CHCT1: variants seen among roughly 807,000 people sequenced by gnomAD.
CHCT1 encodes the protein CHD1 helical C-terminal domain containing protein 1.
the CHCT1 span, chr17:60,422,681 C>T: frequency 6.6e-7 from 1 of 1,514,974 alleles, no homozygotes; most frequent in Non-Finnish European, 8.9e-7. Flanking sequence ...AAGGAGGGTC[C>T]CGGAGGGGCT....
At chr17:60,423,279 C>A in the CHCT1 span, among the ~76,000 whole-genome samples, 1 of 151,788 alleles carries the variant, frequency 6.6e-6, no homozygotes, top group Non-Finnish European at 1.5e-5. Flanking sequence ...GCAACCTCTG[C>A]CCCCTGGGTT....
the CHCT1 span, chr17:60,426,275 G>C: frequency 1.3e-6 from 2 of 1,552,018 alleles, no homozygotes; most frequent in Admixed American, 2.0e-5. Flanking sequence ...GGTCCTAGGG[G>C]ACCACATCAA....
the CHCT1 span, chr17:60,429,527 C>A: frequency 6.2e-7 from 1 of 1,614,182 alleles, no homozygotes. Context: ...CCTGCCTGGG[C>A]AGCCAAGATC....
the CHCT1 span, chr17:60,429,647 G>GGGA: frequency 7.6e-7 from 1 of 1,320,510 alleles, no homozygotes; most frequent in African/African-American, 1.5e-5. Context: ...TCAAGCAGCC[G>GGGA]GGAGCCTCTG....
the CHCT1 span, chr17:60,422,312 G>A: frequency 1.7e-6 from 1 of 585,036 alleles, no homozygotes; most frequent in Non-Finnish European, 2.7e-6. Context: ...CTCCTGGCCT[G>A]CTGTGCGCTC....
At chr17:60,422,513 T>C in the CHCT1 span, 2 of 1,542,814 alleles carry the variant, frequency 1.3e-6, no homozygotes, top group Admixed American at 3.9e-5. Flanking sequence ...CTGAGACGGC[T>C]AGGTCACAGA....
chr17:60,426,380 C>T, the CHCT1 span: 22 of 1,498,488 alleles, frequency 1.5e-5, no homozygotes, highest in South Asian at 2.7e-4. Context: ...TACTCCTGGG[C>T]AACCCCCTCT....
chr17:60,421,652 G>C, the CHCT1 span: 3 of 944,806 alleles, frequency 3.2e-6, no homozygotes, highest in Non-Finnish European at 3.8e-6. Flanking sequence ...GACGCGAGGG[G>C]GCGCTGCTGC....
At chr17:60,421,985 A>G in the CHCT1 span, 4 of 975,080 alleles carry the variant, frequency 4.1e-6, no homozygotes, top group Non-Finnish European at 4.9e-6. Context: ...ATCTTTATAC[A>G]CCCCCAAAAC....
chr17:60,427,345 A>G, the CHCT1 span, among the ~76,000 whole-genome samples: 1 of 152,128 alleles, frequency 6.6e-6, no homozygotes, highest in Non-Finnish European at 1.5e-5. Context: ...AAGTATTGCT[A>G]TGGCAATGGT....
At chr17:60,421,647 G>A in the CHCT1 span, 2 of 950,028 alleles carry the variant, frequency 2.1e-6, no homozygotes, top group Non-Finnish European at 2.5e-6. Flanking sequence ...CCAGGGACGC[G>A]AGGGGGCGCT....
chr17:60,425,684 G>A, the CHCT1 span: 4 of 840,720 alleles, frequency 4.8e-6, no homozygotes, highest in African/African-American at 1.7e-5. Context: ...GAGGGCAATG[G>A]AGAAGGGCTT....
the CHCT1 span, among the ~76,000 whole-genome samples, chr17:60,425,085 ACT>A: frequency 1.2e-4 from 19 of 152,066 alleles, no homozygotes; most frequent in East Asian, 1.9e-4. Flanking sequence ...TCATCCCCCG[ACT>A]CTGACCAATC....
chr17:60,429,490 C>A, the CHCT1 span: 10 of 1,614,144 alleles, frequency 6.2e-6, no homozygotes, highest in Admixed American at 1.7e-4. Flanking sequence ...GGCTGTCCAA[C>A]ATGCAGACCC....
chr17:60,421,763 G>A, the CHCT1 span: 1 of 882,112 alleles, frequency 1.1e-6, no homozygotes, highest in Non-Finnish European at 1.4e-6. Flanking sequence ...TTCCGCCCTC[G>A]GCCTCGGGTC....
chr17:60,428,094 G>A, the CHCT1 span, among the ~76,000 whole-genome samples: 1 of 152,284 alleles, frequency 6.6e-6, no homozygotes, highest in Non-Finnish European at 1.5e-5. Flanking sequence ...AATAATCATA[G>A]ATAAAGCAGA....
chr17:60,422,318 C>A, the CHCT1 span: 11 of 635,372 alleles, frequency 1.7e-5, no homozygotes, highest in Non-Finnish European at 2.7e-5. Flanking sequence ...GCCTGCTGTG[C>A]GCTCTGCCAA....
the CHCT1 span, chr17:60,421,977 C>T: frequency 2.3e-4 from 225 of 980,948 alleles, 2 homozygotes; most frequent in African/African-American, 3.5e-3. Flanking sequence ...TGGCGGGGAT[C>T]TTTATACACC....
At chr17:60,425,519 A>G in the CHCT1 span, among the ~76,000 whole-genome samples, 1 of 152,232 alleles carries the variant, frequency 6.6e-6, no homozygotes, top group African/African-American at 2.4e-5. Flanking sequence ...AAATGAGCTA[A>G]TGTTTACCAA....
Sources: allele counts gnomAD v4.1 joint callset (sites outside exome capture counted in the v4.1 genomes callset), GRCh38; gene constraint gnomAD v4.1.1; transcripts MANE v1.5; gene names NCBI Gene and HGNC (gene_info 2026-07-23, HGNC 2026-07-21).